Variants in ANTXR2 observed in about 807,000 individuals in gnomAD.
The protein encoded by ANTXR2 is ANTXR cell adhesion molecule 2, also known as anthrax toxin receptor 2.
Under a neutral mutation model 73.7 loss-of-function variants are expected in ANTXR2, and 44 were observed. The observed-to-expected ratio is 0.60, with a 90% CI of 0.47 to 0.77. The LOEUF (loss-of-function observed/expected upper bound fraction) is 0.77. ANTXR2 is among the 30% of genes least tolerant of loss of function. The probability of loss-of-function intolerance (pLI) is 0.00; values close to 1 mark genes in which losing one functional copy is unlikely to be tolerated. For missense variants in ANTXR2, 604 were observed against 592.5 expected, an observed-to-expected ratio of 1.02 and a Z score of -0.20; for synonymous variants, 217 against 205.9, an observed-to-expected ratio of 1.05 and a Z score of -0.46.
intron 11 of ANTXR2, among the ~76,000 whole-genome samples, chr4:80,011,125 G>A (rs1432429148): frequency 6.7e-6 from 1 of 149,708 alleles, no homozygotes; most frequent in Admixed American, 6.8e-5. Flanking sequence ...CAGCCTGGGC[G>A]ACAGAGAAAG....
intron 12 of ANTXR2, among the ~76,000 whole-genome samples, chr4:79,997,785 G>A (rs1730799086): frequency 6.6e-6 from 1 of 151,884 alleles, no homozygotes; most frequent in South Asian, 2.1e-4. Context: ...ATTCTGCCAG[G>A]AGTTAAGTAA....
chr4:80,017,958 T>A (rs1025493420), intron 11 of ANTXR2, among the ~76,000 whole-genome samples: 6 of 152,198 alleles, frequency 3.9e-5, no homozygotes, highest in Non-Finnish European at 7.3e-5. Flanking sequence ...CAAGGGTCCA[T>A]ATGATGTGCC....
chr4:80,002,432 C>A (rs1358722288), intron 12 of ANTXR2, among the ~76,000 whole-genome samples: 1 of 152,064 alleles, frequency 6.6e-6, no homozygotes, highest in Non-Finnish European at 1.5e-5. Context: ...AAGACTTAAA[C>A]GTTAGACCTA....
intron 11 of ANTXR2, among the ~76,000 whole-genome samples, chr4:80,012,857 G>C (rs1259795135): frequency 6.6e-6 from 1 of 152,146 alleles, no homozygotes; most frequent in African/African-American, 2.4e-5. Context: ...AATGTATTTG[G>C]ATAAAAGTGC....
chr4:79,994,532 A>C (rs1359083758), intron 12 of ANTXR2, among the ~76,000 whole-genome samples: 1 of 151,948 alleles, frequency 6.6e-6, no homozygotes, highest in Non-Finnish European at 1.5e-5. Flanking sequence ...TTACATGTAC[A>C]TCTTGCACTG....
chr4:79,959,112 G>C (rs1406746451), intron 16 of ANTXR2, among the ~76,000 whole-genome samples: 3 of 151,876 alleles, frequency 2.0e-5, no homozygotes, highest in Admixed American at 6.6e-5. Context: ...GCCTTCATTT[G>C]TTCAAAATTT....
At chr4:80,043,424 T>C (rs977453559) in intron 7 of ANTXR2, among the ~76,000 whole-genome samples, 2 of 152,036 alleles carry the variant, frequency 1.3e-5, no homozygotes, top group African/African-American at 4.8e-5. Context: ...TGTATTAACA[T>C]GAGAAATTCA....
intron 3 of ANTXR2, among the ~76,000 whole-genome samples, chr4:80,067,986 A>AAAATT (rs1166632528): frequency 1.3e-5 from 2 of 152,220 alleles, no homozygotes; most frequent in African/African-American, 4.8e-5. Context: ...ACTTAAAATT[A>AAAATT]AAATTAAATT....
chr4:80,072,323 G>T (rs1307614966), intron 1 of ANTXR2, 86 bp downstream of exon 1: 2 of 1,407,682 alleles, frequency 1.4e-6, no homozygotes, highest in Non-Finnish European at 1.9e-6. Flanking sequence ...CCACTCCCCG[G>T]GGTGCGCACA....
intron 8 of ANTXR2, among the ~76,000 whole-genome samples, chr4:80,034,752 C>G (rs1316465746): frequency 6.6e-6 from 1 of 152,168 alleles, no homozygotes. Flanking sequence ...GGCCTGTTCT[C>G]TATTTTAATT....
At chr4:79,933,195 T>C (rs1476447249) in intron 16 of ANTXR2, among the ~76,000 whole-genome samples, 1 of 152,112 alleles carries the variant, frequency 6.6e-6, no homozygotes, top group Non-Finnish European at 1.5e-5. Context: ...CTACATAATA[T>C]AAAAACCAAT....
chr4:80,024,181 G>A (rs1427628979), intron 10 of ANTXR2, among the ~76,000 whole-genome samples: 1 of 152,180 alleles, frequency 6.6e-6, no homozygotes, highest in African/African-American at 2.4e-5. Flanking sequence ...AAGAAAAAAG[G>A]ATGACCTCAA....
intron 16 of ANTXR2, among the ~76,000 whole-genome samples, chr4:79,948,846 T>C (rs1264471739): frequency 4.6e-5 from 7 of 152,142 alleles, no homozygotes; most frequent in Admixed American, 2.0e-4. Flanking sequence ...GTAACCTAGA[T>C]CTTTGAATTA....
intron 16 of ANTXR2, among the ~76,000 whole-genome samples, chr4:79,907,888 G>A (rs1019968171): frequency 6.6e-6 from 1 of 152,120 alleles, no homozygotes; most frequent in African/African-American, 2.4e-5. Flanking sequence ...AAGAGACTGA[G>A]GATGAGGAAT....
intron 4 of ANTXR2, 120 bp from the exon 5 acceptor site, chr4:80,055,587 C>T: frequency 1.2e-6 from 1 of 809,054 alleles, no homozygotes; most frequent in Non-Finnish European, 2.0e-6. Flanking sequence ...GCTTTTAAAA[C>T]AGGGTAATTT....
intron 7 of ANTXR2, among the ~76,000 whole-genome samples, chr4:80,043,752 C>T (rs1351172258): frequency 6.6e-6 from 1 of 151,936 alleles, no homozygotes; most frequent in African/African-American, 2.4e-5. Flanking sequence ...GCTGTGACTG[C>T]CCTGCCTGCT....
At chr4:80,020,481 C>G (rs963101429) in intron 10 of ANTXR2, among the ~76,000 whole-genome samples, 3 of 152,184 alleles carry the variant, frequency 2.0e-5, no homozygotes, top group Non-Finnish European at 4.4e-5. Flanking sequence ...TCAGTTCTTA[C>G]TATTGCCAGA....
chr4:79,919,920 T>TATATATAA (rs1727528240), intron 16 of ANTXR2, among the ~76,000 whole-genome samples: 2 of 15,008 alleles, frequency 1.3e-4, no homozygotes, highest in African/African-American at 3.1e-4. Context: ...TATATATATA[T>TATATATAA]AAAAAATGAT....
At chr4:80,061,196 G>A (rs866023416) in intron 3 of ANTXR2, among the ~76,000 whole-genome samples, 9 of 152,056 alleles carry the variant, frequency 5.9e-5, no homozygotes, top group Non-Finnish European at 8.8e-5. Context: ...GCAGTTTCAT[G>A]TTCATGTCTG....
Sources: gnomAD v4.1 joint callset for allele counts (sites outside exome capture counted in the v4.1 genomes callset) on GRCh38, gnomAD v4.1.1 for gene constraint, MANE v1.5 for transcripts, NCBI Gene and HGNC (gene_info 2026-07-23, HGNC 2026-07-21) for gene names.